The following FARP1 variants were observed in gnomAD, a reference collection of about 807,000 sequenced individuals.
FARP1 encodes FERM, ARHGEF and pleckstrin domain-containing protein 1.
In FARP1, 52 loss-of-function variants were observed where a neutral mutation model predicts 128.8. The ratio of observed to expected loss-of-function variants is 0.40; its 90% CI spans 0.32 to 0.51. FARP1 has a LOEUF of 0.51. Ranked by LOEUF, FARP1 falls within the 20% of genes least tolerant of loss-of-function variation. The pLI, the probability that FARP1 is intolerant of heterozygous loss-of-function variation, is 0.45. For synonymous variants in FARP1, 580 were observed against 551.8 expected, an observed-to-expected ratio of 1.05 and a Z score of -0.72; for missense variants, 1,333 against 1,367.9, an observed-to-expected ratio of 0.97 and a Z score of 0.40.
rs147222814 is a variant in FARP1, at chr13:98,271,290, C to T, written c.171+57877C>T. ...ACATCTACAAACCAGCACACGGTGA[C>T]GACTTTTTTCCAAGGACCCACTTGG... On this transcript the variant is annotated intron_variant, in intron 2 of 26. Transcript: ENST00000319562. Among the ~76,000 whole-genome samples, 170 of 152,260 alleles carry T rather than the reference C, an allele frequency of 1.1e-3. 3 individuals carry two copies. The East Asian group carries it at 0.016, about 14-fold the overall frequency.
intron 1 of FARP1, chr13:98,177,361 G>T (rs1179643208): frequency 6.6e-6 from 5 of 753,104 alleles, no homozygotes; most frequent in Non-Finnish European, 1.0e-5. Flanking sequence ...AAAAGCTTCT[G>T]CTAGGCCAGG....
intron 2 of FARP1, among the ~76,000 whole-genome samples, chr13:98,266,258 G>C (rs1318761075): frequency 6.6e-6 from 1 of 152,112 alleles, no homozygotes; most frequent in Non-Finnish European, 1.5e-5. Context: ...CCATTCCTGT[G>C]TGATCCATCT....
At chr13:98,288,359 G>A (rs995714474) in intron 2 of FARP1, among the ~76,000 whole-genome samples, 3 of 152,184 alleles carry the variant, frequency 2.0e-5, no homozygotes, top group Non-Finnish European at 2.9e-5. Flanking sequence ...GGAGCCTCTT[G>A]ATATACTTAC....
intron 2 of FARP1, among the ~76,000 whole-genome samples, chr13:98,258,669 C>G (rs1883728935): frequency 6.6e-6 from 1 of 151,382 alleles, no homozygotes. Context: ...ACCTGGGCAA[C>G]ATAGAGAGAC....
At chr13:98,333,564 A>G (rs989148475) in intron 2 of FARP1, 3 of 152,230 alleles carry the variant, frequency 2.0e-5, no homozygotes, top group African/African-American at 7.2e-5. Context: ...GCTCCATTAT[A>G]GTGAGGGAGC....
intron 2 of FARP1, among the ~76,000 whole-genome samples, chr13:98,296,319 G>A (rs564612290): frequency 3.3e-5 from 5 of 152,000 alleles, no homozygotes; most frequent in East Asian, 1.9e-4. Context: ...ACACCTTGCC[G>A]CCAGCACATG....
intron 1 of FARP1, among the ~76,000 whole-genome samples, chr13:98,146,719 A>T (rs1358216436): frequency 6.6e-6 from 1 of 152,174 alleles, no homozygotes; most frequent in African/African-American, 2.4e-5. Flanking sequence ...CTTTGGAAGG[A>T]CAGGCATTCC....
intron 18 of FARP1, chr13:98,432,985 A>C (rs574264113): frequency 2.4e-4 from 37 of 151,768 alleles, no homozygotes; most frequent in African/African-American, 8.8e-4. Context: ...AATGGTGTCT[A>C]AGTTCAGAAC....
intron 18 of FARP1, chr13:98,431,754 C>T (rs1892038975): frequency 6.5e-6 from 1 of 152,984 alleles, no homozygotes; most frequent in Non-Finnish European, 1.5e-5. Flanking sequence ...GCCACGGTGC[C>T]CGGCCACATC....
chr13:98,150,955 T>C (rs1468998691), intron 1 of FARP1, among the ~76,000 whole-genome samples: 3 of 151,746 alleles, frequency 2.0e-5, no homozygotes, highest in Admixed American at 2.0e-4. Flanking sequence ...GTTGTAACAT[T>C]CTAAAAAGAG....
intron 1 of FARP1, among the ~76,000 whole-genome samples, chr13:98,201,365 C>G (rs537181122): frequency 6.6e-6 from 1 of 152,188 alleles, no homozygotes; most frequent in Non-Finnish European, 1.5e-5. Context: ...ACGCTTGAGC[C>G]CAGGAGTTAG....
intron 6 of FARP1, chr13:98,382,562 T>C (rs1026468428): frequency 6.6e-6 from 1 of 152,214 alleles, no homozygotes; most frequent in South Asian, 2.1e-4. Context: ...AATTCCTCCA[T>C]AGATAGTCAG....
At chr13:98,327,197 A>G (rs1594406349) in intron 2 of FARP1, among the ~76,000 whole-genome samples, 1 of 152,300 alleles carries the variant, frequency 6.6e-6, no homozygotes, top group East Asian at 1.9e-4. Context: ...TTGCTTTTTC[A>G]GAAACCTCTC....
rs188561763 is a variant in FARP1 at position 98,276,187 on chromosome 13, A to C, written c.171+62774A>C. Among the ~76,000 whole-genome samples, 451 of 152,276 alleles carry C rather than the reference A, an allele frequency of 3.0e-3. 1 individual carries two copies. Among genetic ancestry groups the C allele is most frequent in the Non-Finnish European group, 4.8e-3 (329 of 68,022 alleles). ...ATAGCTGAAGGCTAGCCTTCCCTCT[A>C]TTGATGTAATTGATGAAATGAGGAA... On this transcript the variant is annotated intron_variant, in intron 2 of 26. Transcript: ENST00000319562.
At chr13:98,198,639 G>A (rs1566730709) in intron 1 of FARP1, among the ~76,000 whole-genome samples, 2 of 152,010 alleles carry the variant, frequency 1.3e-5, no homozygotes, top group Admixed American at 6.6e-5. Context: ...CATTTTGGAA[G>A]GCTGAGGAGG....
chr13:98,414,168 G>A (rs544616697), intron 16 of FARP1, among the ~76,000 whole-genome samples: 1 of 152,324 alleles, frequency 6.6e-6, no homozygotes, highest in South Asian at 2.1e-4. Flanking sequence ...TTAAAAAGCA[G>A]TTGATATAAT....
intron 2 of FARP1, among the ~76,000 whole-genome samples, chr13:98,238,910 C>T (rs907547704): frequency 3.3e-5 from 5 of 152,126 alleles, no homozygotes; most frequent in African/African-American, 4.8e-5. Flanking sequence ...CGCCAACCCC[C>T]ACATTGTTCA....
rs187121528 is a variant in FARP1 at position 98,362,317 on chromosome 13, G to T, written c.277-3078G>T. Among the ~76,000 whole-genome samples, 21 of 152,294 alleles carry T rather than the reference G, an allele frequency of 1.4e-4. No individual in the cohort carries two copies. The East Asian group carries it at 3.7e-3, about 27-fold the overall frequency. On this transcript the variant is annotated intron_variant, in intron 3 of 26. Coordinates refer to ENST00000319562, the MANE Select transcript of FARP1 (RefSeq NM_005766.4). ...TCCCCAGCCAGCTACCCCCCATTCT[G>T]TTGCCTCTTGCTTCACAGCCAAGTT...
intron 3 of FARP1, among the ~76,000 whole-genome samples, chr13:98,360,152 A>G (rs544547253): frequency 3.4e-5 from 5 of 145,684 alleles, no homozygotes; most frequent in South Asian, 2.2e-4. Flanking sequence ...CTGGAGTGCA[A>G]TGGTGCTGTC....
Sources: allele counts gnomAD v4.1 joint callset (sites outside exome capture counted in the v4.1 genomes callset), GRCh38; gene constraint gnomAD v4.1.1; transcripts MANE v1.5; gene names NCBI Gene and HGNC (gene_info 2026-07-23, HGNC 2026-07-21).